Variants in PPP2R2B observed in about 807,000 individuals in gnomAD.
PPP2R2B encodes serine/threonine-protein phosphatase 2A 55 kDa regulatory subunit B beta isoform.
PPP2R2B carries 5 observed loss-of-function variants against 46.0 expected under a neutral mutation model. That is an observed-to-expected ratio of 0.11 (90% CI 0.06 to 0.23). PPP2R2B has a LOEUF of 0.23. PPP2R2B is among the 10% of genes least tolerant of loss of function. PPP2R2B has a pLI of 1.00. For synonymous variants in PPP2R2B, 215 were observed against 206.7 expected, an observed-to-expected ratio of 1.04 and a Z score of -0.34; for missense variants, 367 against 575.0, an observed-to-expected ratio of 0.64 and a Z score of 3.70.
intron 1 of PPP2R2B, among the ~76,000 whole-genome samples, chr5:146,983,084 T>C (rs1026538117): frequency 1.3e-5 from 2 of 151,922 alleles, no homozygotes; most frequent in African/African-American, 4.8e-5. Context: ...TTTTTGTCCT[T>C]TTTGGTTCAT....
chr5:146,872,198 G>T (rs1761654305), intron 2 of PPP2R2B, among the ~76,000 whole-genome samples: 1 of 152,140 alleles, frequency 6.6e-6, no homozygotes, highest in African/African-American at 2.4e-5. Flanking sequence ...ATTGCCCCTG[G>T]GGACCTGGAT....
At chr5:147,023,995 G>C (rs1755407168) in intron 1 of PPP2R2B, among the ~76,000 whole-genome samples, 1 of 152,168 alleles carries the variant, frequency 6.6e-6, no homozygotes, top group Non-Finnish European at 1.5e-5. Context: ...CTGCACCTGG[G>C]GCTCGGAGTT....
chr5:146,931,854 C>T (rs1251515947), intron 1 of PPP2R2B, among the ~76,000 whole-genome samples: 5 of 152,146 alleles, frequency 3.3e-5, no homozygotes, highest in African/African-American at 4.8e-5. Context: ...AAAGAAGTTA[C>T]TTTCCTATAT....
intron 1 of PPP2R2B, among the ~76,000 whole-genome samples, chr5:147,031,711 G>A (rs540617239): frequency 6.4e-4 from 98 of 152,016 alleles, no homozygotes; most frequent in African/African-American, 2.0e-3. Context: ...ATAGACCAAT[G>A]GAAAAGAATA....
At chr5:147,014,705 G>A (rs1426804057) in intron 1 of PPP2R2B, among the ~76,000 whole-genome samples, 3 of 146,070 alleles carry the variant, frequency 2.1e-5, no homozygotes, top group Non-Finnish European at 4.5e-5. Context: ...ATGGACACAG[G>A]AAGGGGAATA....
At chr5:146,712,653 G>A (rs896201327) in intron 2 of PPP2R2B, among the ~76,000 whole-genome samples, 10 of 152,154 alleles carry the variant, frequency 6.6e-5, no homozygotes, top group African/African-American at 2.4e-4. Flanking sequence ...TCACCCCACT[G>A]ATCACCAGGG....
chr5:146,852,475 A>G (rs536360929), intron 2 of PPP2R2B, among the ~76,000 whole-genome samples: 7 of 152,248 alleles, frequency 4.6e-5, no homozygotes, highest in African/African-American at 1.7e-4. Context: ...TCAAGTTTCC[A>G]AAAGGAAAGC....
At chr5:146,924,659 G>T (rs1016711607) in intron 1 of PPP2R2B, among the ~76,000 whole-genome samples, 1 of 152,162 alleles carries the variant, frequency 6.6e-6, no homozygotes, top group Non-Finnish European at 1.5e-5. Flanking sequence ...TTTATGATCT[G>T]CTTTCACCAT....
At chr5:147,069,180 A>G (rs1561611450) in intron 2 of PPP2R2B, among the ~76,000 whole-genome samples, 1 of 152,184 alleles carries the variant, frequency 6.6e-6, no homozygotes, top group Non-Finnish European at 1.5e-5. Flanking sequence ...TCCAGTGGTG[A>G]TCCTGGGCAA....
chr5:146,600,351 G>A lies in PPP2R2B; in HGVS notation c.900C>T (p.Asp300=). The A allele has an allele frequency of 6.2e-7, 1 of 1,613,982 alleles. No homozygotes were observed. Residue 300 remains aspartate (D), a synonymous_variant, in exon 8 of 10, where the codon GAC becomes GAT. Coordinates refer to ENST00000394411, the MANE Select transcript of PPP2R2B (RefSeq NM_181675.4). The stretch of plus-strand genomic sequence containing the variant: ...GATCCCAGACTTTGACGGTCAAGTA[G>A]TCCCTGGTCATGATATACCTCCCAC... ...SHSGRYIMTR[D]YLTVKVWDLN...
At chr5:146,944,029 C>T (rs1764404183) in intron 1 of PPP2R2B, among the ~76,000 whole-genome samples, 1 of 152,170 alleles carries the variant, frequency 6.6e-6, no homozygotes, top group Non-Finnish European at 1.5e-5. Context: ...CTGTCAGTAA[C>T]TTGCTATTTA....
chr5:147,071,522 C>A (rs559361623), intron 2 of PPP2R2B, among the ~76,000 whole-genome samples: 1 of 152,330 alleles, frequency 6.6e-6, no homozygotes, highest in African/African-American at 2.4e-5. Context: ...CAACTTCAGA[C>A]ACACTGGCCA....
intron 1 of PPP2R2B, among the ~76,000 whole-genome samples, chr5:147,022,553 C>T (rs1755332525): frequency 1.9e-5 from 2 of 106,488 alleles, no homozygotes; most frequent in African/African-American, 3.3e-5. Flanking sequence ...AGCAAGGCTC[C>T]ATCCAAAAAA....
chr5:146,807,602 T>C (rs1212004054), intron 2 of PPP2R2B, among the ~76,000 whole-genome samples: 2 of 152,078 alleles, frequency 1.3e-5, no homozygotes, highest in Non-Finnish European at 2.9e-5. Flanking sequence ...TCTATTGTTA[T>C]GTTCATTTCA....
intron 2 of PPP2R2B, among the ~76,000 whole-genome samples, chr5:146,802,752 T>C (rs1756938945): frequency 6.6e-6 from 1 of 152,148 alleles, no homozygotes; most frequent in African/African-American, 2.4e-5. Flanking sequence ...GGGGATGGGA[T>C]AAGTATATAG....
At position 146,835,860 on chromosome 5, in the gene PPP2R2B, C is replaced by A. The variant is rs539291766; in HGVS notation, c.70+42142G>T. Among the ~76,000 whole-genome samples, 4 of 152,288 alleles carry A rather than the reference C, an allele frequency of 2.6e-5. No homozygotes were observed. In the South Asian group the frequency reaches 8.3e-4, roughly 32 times the overall value. On this transcript the variant is annotated intron_variant, in intron 2 of 9. Transcript: ENST00000394411. ...GTAAAGAAAACAGATGCTACTAATTCTGCATCAAAGACATCTTGGACATTA... is the reference window on the plus strand; with the variant it reads ...GTAAAGAAAACAGATGCTACTAATTATGCATCAAAGACATCTTGGACATTA...
At chr5:147,060,502 C>T (rs894037458), upstream of PPP2R2B, among the ~76,000 whole-genome samples, 3 of 152,226 alleles carry the variant, frequency 2.0e-5, no homozygotes, top group African/African-American at 7.2e-5. Context: ...GTGGTACCCA[C>T]CCATAGTCCC....
chr5:147,007,956 G>A (rs976426620), intron 1 of PPP2R2B, among the ~76,000 whole-genome samples: 11 of 152,112 alleles, frequency 7.2e-5, no homozygotes, highest in Non-Finnish European at 1.5e-4. Flanking sequence ...AACCAATTCC[G>A]GACACAATAG....
intron 1 of PPP2R2B, among the ~76,000 whole-genome samples, chr5:146,962,767 A>G (rs780446848): frequency 6.6e-6 from 1 of 152,162 alleles, no homozygotes; most frequent in African/African-American, 2.4e-5. Flanking sequence ...ATCACCCTCA[A>G]GTTCGCTGCG....
Sources: gnomAD v4.1 joint callset for allele counts (sites outside exome capture counted in the v4.1 genomes callset) on GRCh38, gnomAD v4.1.1 for gene constraint, MANE v1.5 for transcripts, NCBI Gene and HGNC (gene_info 2026-07-23, HGNC 2026-07-21) for gene names.